The following STK3 variants were observed in gnomAD, a reference collection of about 807,000 sequenced individuals.
STK3 encodes serine/threonine kinase 3, also known as serine/threonine-protein kinase 3.
In STK3, 41 loss-of-function variants were observed where a neutral mutation model predicts 58.0. That is an observed-to-expected ratio of 0.71 (90% CI 0.55 to 0.92). The LOEUF (loss-of-function observed/expected upper bound fraction) is 0.92, where lower values mean the gene tolerates loss of function less well. Ranked by LOEUF, STK3 falls within the 40% of genes least tolerant of loss-of-function variation. The pLI, the probability that STK3 is intolerant of heterozygous loss-of-function variation, is 0.00. For synonymous variants in STK3, 170 were observed against 191.0 expected, an observed-to-expected ratio of 0.89 and a Z score of 0.91; for missense variants, 479 against 602.7, an observed-to-expected ratio of 0.79 and a Z score of 2.15.
intron 2 of STK3, among the ~76,000 whole-genome samples, chr8:98,374,759 G>A (rs906354251): frequency 6.6e-6 from 1 of 152,122 alleles, no homozygotes; most frequent in Non-Finnish European, 1.5e-5. Flanking sequence ...TAAGTACTGT[G>A]TAAACTACAT....
Position 98,428,101 on chromosome 8 carries a change from C to T in STK3, n.483+6026G>A, listed in dbSNP as rs771255852. 3.1e-6 allele frequency: 5 copies of T among 1,613,780 alleles called. No individual in the cohort carries two copies. The African/African-American group carries it at 5.3e-5, about 17-fold the overall frequency. ...CACACGCTGCTGCGCTTCCCCGAGA[C>T]GCGCCTGGGCCGCTTGCTGCTCTGC... On this transcript the variant is annotated intron_variant and non_coding_transcript_variant, in intron 3 of 3. Transcript: ENST00000517832. This position sits in a 1 kb window ranked among gnomAD's most constrained non-coding sequence, Gnocchi z 6.7.
intron 4 of STK3, among the ~76,000 whole-genome samples, chr8:98,741,993 A>C (rs1261675825): frequency 2.0e-5 from 3 of 152,278 alleles, no homozygotes; most frequent in Admixed American, 2.0e-4. Context: ...GAAATGGATA[A>C]ATTCCTCGAC....
At chr8:98,439,733 C>A (rs1461646986) in intron 1 of STK3, among the ~76,000 whole-genome samples, 1 of 152,158 alleles carries the variant, frequency 6.6e-6, no homozygotes, top group Admixed American at 6.5e-5. Context: ...CATTGCTGAT[C>A]CTCTAGCAAA....
chr8:98,356,962 T>A, the STK3 span, among the ~76,000 whole-genome samples: 11 of 152,340 alleles, frequency 7.2e-5, no homozygotes, highest in East Asian at 2.1e-3. Context: ...AATTAAAGTA[T>A]CTGGAACTGG....
At chr8:98,406,457 C>T (rs866135082) in intron 3 of STK3, among the ~76,000 whole-genome samples, 1 of 152,016 alleles carries the variant, frequency 6.6e-6, no homozygotes, top group Admixed American at 6.6e-5. Context: ...CCAACCTCCC[C>T]CCTCTAGGGT....
intron 1 of STK3, among the ~76,000 whole-genome samples, chr8:98,911,181 C>A (rs572514950): frequency 2.0e-5 from 3 of 152,198 alleles, no homozygotes; most frequent in Admixed American, 1.3e-4. Flanking sequence ...TCACAATGAG[C>A]GGATTGGTCG....
At chr8:98,847,723 T>G (rs568452600) in intron 3 of STK3, among the ~76,000 whole-genome samples, 121 of 152,244 alleles carry the variant, frequency 7.9e-4, no homozygotes, top group Non-Finnish European at 1.3e-3. Flanking sequence ...AAAGGTTTTT[T>G]TTTGTTTGTT....
chr8:98,587,063 A>G (rs1363382309), intron 7 of STK3, among the ~76,000 whole-genome samples: 14 of 151,690 alleles, frequency 9.2e-5, no homozygotes, highest in Middle Eastern at 3.2e-3. Flanking sequence ...TGGATTCGTT[A>G]ATTTTTTGAA....
At chr8:98,934,119 T>A (rs923592549) in intron 1 of STK3, among the ~76,000 whole-genome samples, 4 of 152,204 alleles carry the variant, frequency 2.6e-5, no homozygotes, top group African/African-American at 9.6e-5. Context: ...AGGCCATTCC[T>A]GCCTTTAGCA....
At chr8:98,446,747 A>G (rs115006071) in intron 1 of STK3, among the ~76,000 whole-genome samples, 4,536 of 152,278 alleles carry the variant, frequency 0.03, 215 homozygotes, top group African/African-American at 0.098. Context: ...GTTTATATGC[A>G]GAGGAATATA....
chr8:98,756,059 C>A (rs1395520121), intron 3 of STK3, among the ~76,000 whole-genome samples: 1 of 151,880 alleles, frequency 6.6e-6, no homozygotes, highest in African/African-American at 2.4e-5. Context: ...AGGAGAATCG[C>A]TTGAACCCGG....
At chr8:98,850,362 C>T (rs1266849572) in intron 3 of STK3, among the ~76,000 whole-genome samples, 1 of 152,094 alleles carries the variant, frequency 6.6e-6, no homozygotes, top group African/African-American at 2.4e-5. Flanking sequence ...TGTGAGTCTC[C>T]TCTGCTCTGG....
chr8:98,901,491 G>A (rs1838654706), intron 1 of STK3, among the ~76,000 whole-genome samples: 1 of 152,246 alleles, frequency 6.6e-6, no homozygotes, highest in South Asian at 2.1e-4. Context: ...CTGGGAGCGG[G>A]AAGGCTCTGC....
At chr8:98,364,968 A>G in the STK3 span, among the ~76,000 whole-genome samples, 1 of 40,286 alleles carries the variant, frequency 2.5e-5, no homozygotes, top group Non-Finnish European at 4.4e-5. Context: ...TTACTGGACC[A>G]CAATTTTACA....
In STK3 at chr8:98,603,147, A is replaced by C. The variant is rs565317642; in HGVS notation, c.685-6978T>G. 114 of 152,330 alleles carry C rather than the reference A, an allele frequency of 7.5e-4. 1 individual carries two copies. Among genetic ancestry groups the C allele is most frequent in the African/African-American group, 2.7e-3 (113 of 41,588 alleles). 9.4% of individuals were successfully genotyped at this position (152,330 alleles called of 1,614,324 possible). A position where few individuals can be genotyped will look rare whatever the true frequency, so the allele number is the denominator to read the frequency against. On this transcript the variant is annotated intron_variant, in intron 6 of 10. Coordinates refer to ENST00000419617, the MANE Select transcript of STK3 (RefSeq NM_006281.4). ...ATGTCAAAAGGACATATAAATAACC[A>C]AATTTAGGATAATTTGAGCATCAAA...
chr8:98,517,698 TC>T (rs1425337424), intron 10 of STK3, among the ~76,000 whole-genome samples: 2 of 152,118 alleles, frequency 1.3e-5, no homozygotes, highest in African/African-American at 4.8e-5. Context: ...ATTACTAGTT[TC>T]CTCAATCAAT....
At chr8:98,567,753 C>G (rs556800793) in intron 8 of STK3, among the ~76,000 whole-genome samples, 1 of 152,084 alleles carries the variant, frequency 6.6e-6, no homozygotes, top group African/African-American at 2.4e-5. Context: ...ATTACAAACT[C>G]AATATCAAAA....
chr8:98,555,124 T>C, intron 8 of STK3, among the ~76,000 whole-genome samples: 1 of 152,066 alleles, frequency 6.6e-6, no homozygotes, highest in Non-Finnish European at 1.5e-5. Flanking sequence ...AAAATCCACA[T>C]GGAATACAAA....
At chr8:98,387,288 T>C (rs1328745277) in intron 1 of STK3, among the ~76,000 whole-genome samples, 1 of 152,230 alleles carries the variant, frequency 6.6e-6, no homozygotes, top group Non-Finnish European at 1.5e-5. Context: ...ACATAAGTTA[T>C]TCACTTTAGG....
Sources: allele counts gnomAD v4.1 joint callset (sites outside exome capture counted in the v4.1 genomes callset), GRCh38; gene constraint gnomAD v4.1.1; non-coding constraint Gnocchi (gnomAD v3.1); transcripts MANE v1.5; gene names NCBI Gene and HGNC (gene_info 2026-07-23, HGNC 2026-07-21).